The following OR52A5 variants were observed in gnomAD, a reference collection of about 807,000 sequenced individuals.
OR52A5 encodes olfactory receptor family 52 subfamily A member 5.
A neutral mutation model predicts 18.2 loss-of-function variants in OR52A5; 16 were observed. The observed-to-expected ratio is 0.88, with a 90% CI of 0.60 to 1.34. The LOEUF (loss-of-function observed/expected upper bound fraction) is 1.34. OR52A5 is among the 40% of genes most tolerant of loss of function. The pLI is 0.00. For missense variants in OR52A5, 418 were observed against 383.0 expected (o/e 1.09, Z -0.76); for synonymous variants, 140 against 137.2 (o/e 1.02, Z -0.14).
In OR52A5 at chr11:5,130,688, A is replaced by C. The variant is rs1372392259; in HGVS notation, c.*1004T>G. On this transcript the variant is annotated 3_prime_UTR_variant, in exon 2 of 2. Coordinates refer to ENST00000307388, the MANE Select transcript of OR52A5 (RefSeq NM_001005160.3). ...TTTTTCCCCAAAATTGTATGTATCT[A>C]TGTCTGCCTCTTGAATGATATGATT... The C allele has an allele frequency of 6.6e-6, 1 of 152,054 alleles. No individual in the cohort carries two copies. The highest frequency in any genetic ancestry group is 1.5e-5 in the Non-Finnish European group (1 of 67,952). The allele number at this position is 152,054 out of a possible 1,614,324, so 9.4% of individuals were successfully genotyped here.
rs745895019 is a variant in OR52A5, at chr11:5,133,363, C to CAA, written c.-60-663_-60-662dup. Among the ~76,000 whole-genome samples, 125 of 62,334 alleles carry CAA rather than the reference C, an allele frequency of 2.0e-3. 1 individual carries two copies. The highest frequency in any genetic ancestry group is 9.1e-3 in the South Asian group (16 of 1,756). 40.9% of individuals were successfully genotyped at this position (62,334 alleles called of 152,430 possible). ...AGCCTGGACGACAGAGCGAGACTGT[C>CAA]AAAAAAAAAAAAAAAAAAAAAAAAG... On this transcript the variant is annotated intron_variant, in intron 1 of 1. Transcript: ENST00000307388.
chr11:5,133,584 T>C (rs932571939), intron 1 of OR52A5, among the ~76,000 whole-genome samples: 2 of 150,834 alleles, frequency 1.3e-5, no homozygotes, highest in African/African-American at 4.9e-5. Context: ...CAAAACCCAA[T>C]CATATATCTT....
At chr11:5,133,201 C>G (rs1047422774) in intron 1 of OR52A5, among the ~76,000 whole-genome samples, 1 of 151,634 alleles carries the variant, frequency 6.6e-6, no homozygotes, top group Admixed American at 6.6e-5. Flanking sequence ...AACCCCATCT[C>G]TACTAAAAAT....
rs565929696 is a variant in OR52A5, at chr11:5,131,720, T to G, written c.923A>C (p.Lys308Thr). Reference sequence around the variant, plus strand: ...AGTTACTTTTTTGAAGAAAAACACTTTCACAATATGGTCACGAATTTGCTT... The same window carrying G: ...AGTTACTTTTTTGAAGAAAAACACTGTCACAATATGGTCACGAATTTGCTT... ...KTKQIRDHIVKVFFFKKVT is the reference protein window; with the variant it reads ...KTKQIRDHIVTVFFFKKVT Residue 308 changes from lysine (K) to threonine (T), a missense_variant, in exon 2 of 2, where the codon AAA becomes ACA. Physicochemically the swap from Lys to Thr is moderately conservative, Grantham distance 78. Coordinates refer to ENST00000307388, the MANE Select transcript of OR52A5 (RefSeq NM_001005160.3). The G allele has an allele frequency of 1.6e-5, 26 of 1,613,200 alleles. No individual in the cohort carries two copies. In the Admixed American group the frequency reaches 3.2e-4, roughly 20 times the overall value.
Position 5,130,355 on chromosome 11 carries a change from T to A in OR52A5, c.*1337A>T, listed in dbSNP as rs1846324578. On this transcript the variant is annotated 3_prime_UTR_variant, in exon 2 of 2. Coordinates refer to ENST00000307388, the MANE Select transcript of OR52A5 (RefSeq NM_001005160.3). Reference sequence around the variant, plus strand: ...TTCTTTATCCTTCATGTATACTAACTTTTCTGAAAGAATTCATATATTTAT... The same window carrying A: ...TTCTTTATCCTTCATGTATACTAACATTTCTGAAAGAATTCATATATTTAT... 1 of 152,070 alleles carries A rather than the reference T, an allele frequency of 6.6e-6. No homozygotes were observed. The highest frequency in any genetic ancestry group is 1.5e-5 in the Non-Finnish European group (1 of 67,988). The allele number at this position is 152,070 out of a possible 1,614,324, so 9.4% of individuals were successfully genotyped here.
chr11:5,132,058 G>A lies in OR52A5; in HGVS notation c.585C>T (p.Ile195=). 1.2e-6 allele frequency: 2 copies of A among 1,614,164 alleles called. No individual in the cohort carries two copies. Among genetic ancestry groups the A allele is most frequent in the Non-Finnish European group, 1.7e-6 (2 of 1,180,000 alleles). Residue 195 remains isoleucine, a synonymous_variant, in exon 2 of 2, where the codon ATC becomes ATT. Coordinates refer to ENST00000307388, the MANE Select transcript of OR52A5 (RefSeq NM_001005160.3). The part of the protein sequence containing the change: ...MAIVKLATED[I]RVNKIYGLFV... ...ATAGGCCATATATCTTGTTGACTCG[G>A]ATATCTTCAGTAGCCAGCTTCACGA...
chr11:5,138,185 C>T (rs1846408857), intron 1 of OR52A5, 126 bp downstream of exon 1: 1 of 152,200 alleles, frequency 6.6e-6, no homozygotes, highest in African/African-American at 2.4e-5. Context: ...GAACACTCAA[C>T]TATTTTAAGA....
At position 5,132,711 on chromosome 11, in the gene OR52A5, AT is replaced by A; in HGVS notation, c.-60-10del. On this transcript the variant is annotated splice_polypyrimidine_tract_variant and intron_variant, in intron 1 of 1. Transcript: ENST00000307388. ...TCTATTCTCTGTTGAGCCTTGATGA[AT>A]TAAAAATTAAAAATATGTTAATTTA... 1.1e-6 allele frequency: 1 copy of A among 887,036 alleles called. No homozygotes were observed. The highest frequency in any genetic ancestry group is 1.7e-5 in the African/African-American group (1 of 58,618). 54.9% of individuals were successfully genotyped at this position (887,036 alleles called of 1,614,324 possible).
In OR52A5 at chr11:5,132,297, T is replaced by C; in HGVS notation, c.346A>G (p.Ile116Val). Residue 116 changes from isoleucine (I) to valine (V), a missense_variant, in exon 2 of 2, where the codon ATC becomes GTC. Transcript: ENST00000307388. The stretch of plus-strand genomic sequence containing the variant: ...CGATCCAGGGCCATTGCCAGAAGGA[T>C]ACCCGATTCAATTGCCTGGAATGAG... ...IHSFQAIESG[I>V]LLAMALDRYV... 1 of 1,614,182 alleles carries C rather than the reference T, an allele frequency of 6.2e-7. No individual in the cohort carries two copies. Among genetic ancestry groups the C allele is most frequent in the Non-Finnish European group, 8.5e-7 (1 of 1,180,024 alleles).
intron 1 of OR52A5, among the ~76,000 whole-genome samples, chr11:5,137,363 A>C (rs1846401058): frequency 6.6e-6 from 1 of 152,184 alleles, no homozygotes; most frequent in Non-Finnish European, 1.5e-5. Flanking sequence ...TGAAACTACT[A>C]AGTGATTTAG....
In OR52A5 at chr11:5,131,005, C is replaced by A. The variant is rs554368703; in HGVS notation, c.*687G>T. 1 of 152,206 alleles carries A rather than the reference C, an allele frequency of 6.6e-6. No homozygotes were observed. The highest frequency in any genetic ancestry group is 2.1e-4 in the South Asian group (1 of 4,818). 9.4% of individuals were successfully genotyped at this position (152,206 alleles called of 1,614,324 possible). On this transcript the variant is annotated 3_prime_UTR_variant, in exon 2 of 2. Transcript: ENST00000307388. ...CATGGTTTTCTGTATGGTAAGATTG[C>A]ATATTACTTAGAGCCTCCAAATTTG...
Position 5,131,462 on chromosome 11 carries a change from T to G in OR52A5, c.*230A>C. 21 of 299,448 alleles carry G rather than the reference T, an allele frequency of 7.0e-5. No homozygotes were observed. Among genetic ancestry groups the G allele is most frequent in the South Asian group, 3.7e-4 (6 of 16,258 alleles). 18.5% of individuals were successfully genotyped at this position (299,448 alleles called of 1,614,324 possible). On this transcript the variant is annotated 3_prime_UTR_variant, in exon 2 of 2. Transcript: ENST00000307388. ...TGTTGTAGATATCGGTATTACTGATTTCATATTATTTTTATATTGATAAGT... is the reference window on the plus strand; with the variant it reads ...TGTTGTAGATATCGGTATTACTGATGTCATATTATTTTTATATTGATAAGT...
chr11:5,132,222 G>C lies in OR52A5; in HGVS notation c.421C>G (p.Gln141Glu), dbSNP rs909861082. ...CCAAGTCCAATATGAGTTAAGAACT[G>C]CTGGGAAAAGATGGTGGCATGTCTC... ...PLRHATIFSQ[Q>E]FLTHIGLGVT... The change falls in exon 2 of 2, where the codon CAG becomes GAG. Residue 141 changes from glutamine to glutamate, a missense_variant. Gln to Glu is a conservative substitution (Grantham distance 29). Coordinates refer to ENST00000307388, the MANE Select transcript of OR52A5 (RefSeq NM_001005160.3). The C allele has an allele frequency of 1.9e-6, 3 of 1,614,138 alleles. No homozygotes were observed. The highest frequency in any genetic ancestry group is 3.3e-4 in the Middle Eastern group (2 of 6,062).
At chr11:5,136,053 C>T (rs1403804124) in intron 1 of OR52A5, among the ~76,000 whole-genome samples, 2 of 152,134 alleles carry the variant, frequency 1.3e-5, no homozygotes, top group East Asian at 3.9e-4. Context: ...ATTAATCTAA[C>T]AGGGCCACAT....
rs143181883 is a variant in OR52A5 at position 5,131,945 on chromosome 11, T to C, written c.698A>G (p.Gln233Arg). Residue 233 changes from glutamine (Q) to arginine (R), a missense_variant, in exon 2 of 2, where the codon CAG becomes CGG. Gln to Arg is a conservative substitution (Grantham distance 43, BLOSUM62 1). Coordinates refer to ENST00000307388, the MANE Select transcript of OR52A5 (RefSeq NM_001005160.3). ...AAAGGCCTTGAATCGTGCCTCCTTC[T>C]GGGGCAGCTGAAAGACAGTGATAAA... ...QIFITVFQLP[Q>R]KEARFKAFNT... 1,329 of 1,614,060 alleles carry C rather than the reference T, an allele frequency of 8.2e-4. 7 individuals carry two copies. The highest frequency in any genetic ancestry group is 1.0e-3 in the Non-Finnish European group (1,229 of 1,180,008).
chr11:5,131,506 A>G lies in OR52A5; in HGVS notation c.*186T>C, dbSNP rs1260606190. The G allele has an allele frequency of 4.6e-6, 2 of 434,552 alleles. No individual in the cohort carries two copies. The highest frequency in any genetic ancestry group is 7.4e-5 in the Admixed American group (2 of 26,936). 26.9% of individuals were successfully genotyped at this position (434,552 alleles called of 1,614,324 possible). On this transcript the variant is annotated 3_prime_UTR_variant, in exon 2 of 2. Transcript: ENST00000307388. ...GATAAGTATTTCAGATAAAGTAAAT[A>G]AGACACAGATAAATGATTCCAAATT...
intron 1 of OR52A5, among the ~76,000 whole-genome samples, chr11:5,133,300 A>G (rs3002636): frequency 0.28 from 42,019 of 148,750 alleles, 6,616 homozygotes; most frequent in African/African-American, 0.42. Flanking sequence ...CCCGGGAGGC[A>G]GAGCTTGCAG....
At position 5,129,113 on chromosome 11, in the gene OR52A5, C is replaced by A. The variant is rs955121653; in HGVS notation, c.*2579G>T. The A allele has an allele frequency of 6.6e-6, 1 of 152,268 alleles. No homozygotes were observed. Among genetic ancestry groups the A allele is most frequent in the Non-Finnish European group, 1.5e-5 (1 of 68,048 alleles). The allele number at this position is 152,268 out of a possible 1,614,324, so 9.4% of individuals were successfully genotyped here. The stretch of plus-strand genomic sequence containing the variant: ...CTAGCTCCAGCTAGAGGATCATCAG[C>A]CACACAGCTATCCCGGCACTCTGCT... On this transcript the variant is annotated 3_prime_UTR_variant, in exon 2 of 2. Coordinates refer to ENST00000307388, the MANE Select transcript of OR52A5 (RefSeq NM_001005160.3).
At chr11:5,137,143 C>T (rs533473771) in intron 1 of OR52A5, among the ~76,000 whole-genome samples, 20 of 152,322 alleles carry the variant, frequency 1.3e-4, no homozygotes, top group African/African-American at 3.8e-4. Flanking sequence ...TGTTCTTGGA[C>T]TGAGAATTAC....
Sources: allele counts gnomAD v4.1 joint callset (sites outside exome capture counted in the v4.1 genomes callset), GRCh38; gene constraint gnomAD v4.1.1; transcripts MANE v1.5; gene names NCBI Gene and HGNC (gene_info 2026-07-23, HGNC 2026-07-21).